Variants in NREP observed in about 807,000 individuals in gnomAD.
NREP encodes neuronal regeneration related protein, also known as neuronal regeneration-related protein.
A neutral mutation model predicts 8.6 loss-of-function variants in NREP; 5 were observed. The observed-to-expected ratio is 0.58, with a 90% CI of 0.30 to 1.22. The LOEUF is 1.22. Ranked by LOEUF, NREP falls within the 50% of genes most tolerant of loss-of-function variation. The pLI is 0.07. For synonymous variants in NREP, 27 were observed against 28.0 expected (o/e 0.96, Z 0.11); for missense variants, 86 against 82.5 (o/e 1.04, Z -0.17).
chr5:111,915,131 C>T (rs1344934606), intron 2 of NREP, among the ~76,000 whole-genome samples: 1 of 152,008 alleles, frequency 6.6e-6, no homozygotes, highest in Admixed American at 6.6e-5. Flanking sequence ...CTAAGACTTC[C>T]CTCAGGCTAC....
chr5:111,833,348 G>A (rs886813512), intron 2 of NREP, among the ~76,000 whole-genome samples: 2 of 152,196 alleles, frequency 1.3e-5, no homozygotes, highest in African/African-American at 4.8e-5. Context: ...TACCTAAACT[G>A]ATCAATGATA....
chr5:111,947,144 G>C (rs912401619), intron 2 of NREP, among the ~76,000 whole-genome samples: 6 of 151,950 alleles, frequency 3.9e-5, no homozygotes, highest in African/African-American at 1.4e-4. Flanking sequence ...TATAACTATA[G>C]AAGTCCCTAT....
At chr5:111,847,711 C>T (rs1179056313) in intron 2 of NREP, among the ~76,000 whole-genome samples, 1 of 151,518 alleles carries the variant, frequency 6.6e-6, no homozygotes, top group Non-Finnish European at 1.5e-5. Context: ...TTGATGGCTT[C>T]TCTGAATGTG....
At chr5:111,964,080 A>G (rs947227316) in intron 2 of NREP, among the ~76,000 whole-genome samples, 1 of 152,074 alleles carries the variant, frequency 6.6e-6, no homozygotes, top group African/African-American at 2.4e-5. Context: ...TCCTTTTTGT[A>G]CCTCCTTCTT....
chr5:111,881,521 G>T (rs1438188391), intron 2 of NREP, among the ~76,000 whole-genome samples: 2 of 152,174 alleles, frequency 1.3e-5, no homozygotes, highest in African/African-American at 4.8e-5. Flanking sequence ...TGGGCAGACT[G>T]CCTCCTCAAG....
chr5:111,819,308 T>C (rs1299509951), intron 2 of NREP, among the ~76,000 whole-genome samples: 1 of 152,122 alleles, frequency 6.6e-6, no homozygotes, highest in Non-Finnish European at 1.5e-5. Context: ...CTCTTTAAAA[T>C]AGCTAAACGG....
rs897473241 is a variant in NREP, at chr5:111,757,170, C to G, written c.-93G>C. ...CCCCGCTCCCTGTTCACTCTCTCTC[C>G]TCTCTACACCTGAAACACAAATGTG... On this transcript the variant is annotated 5_prime_UTR_variant, in exon 1 of 4. Transcript: ENST00000257435. The G allele has an allele frequency of 1.0e-6, 1 of 979,566 alleles. No individual in the cohort carries two copies. The highest frequency in any genetic ancestry group is 1.2e-6 in the Non-Finnish European group (1 of 828,426). 60.7% of individuals were successfully genotyped at this position (979,566 alleles called of 1,614,324 possible).
At chr5:111,840,211 G>C (rs1752995862) in intron 2 of NREP, among the ~76,000 whole-genome samples, 1 of 151,832 alleles carries the variant, frequency 6.6e-6, no homozygotes, top group Non-Finnish European at 1.5e-5. Context: ...ATATAACACG[G>C]TTCAGGCTCA....
chr5:111,942,053 A>G (rs1036484679), intron 2 of NREP, among the ~76,000 whole-genome samples: 1 of 152,048 alleles, frequency 6.6e-6, no homozygotes, highest in Non-Finnish European at 1.5e-5. Context: ...TGGTAAGAGT[A>G]CTTGTCTCAA....
At chr5:111,806,985 G>T (rs2112910143) in intron 2 of NREP, among the ~76,000 whole-genome samples, 1 of 152,146 alleles carries the variant, frequency 6.6e-6, no homozygotes, top group Middle Eastern at 3.4e-3. Flanking sequence ...GTGGCTCTTG[G>T]CTATAGGAAA....
intron 2 of NREP, among the ~76,000 whole-genome samples, chr5:111,959,027 A>G (rs533417572): frequency 3.3e-5 from 5 of 152,006 alleles, no homozygotes; most frequent in Non-Finnish European, 7.4e-5. Flanking sequence ...AAAAAAAATT[A>G]TATTTCTACC....
chr5:111,759,745 T>A (rs1038443964), upstream of NREP, among the ~76,000 whole-genome samples: 2 of 152,170 alleles, frequency 1.3e-5, no homozygotes, highest in African/African-American at 4.8e-5. Flanking sequence ...TATGAGAAAC[T>A]CATGCCATGT....
chr5:111,773,483 G>C (rs1751285115), intron 2 of NREP, among the ~76,000 whole-genome samples: 1 of 152,110 alleles, frequency 6.6e-6, no homozygotes. Context: ...GAAATTAGAA[G>C]ATGATTATTT....
At chr5:111,745,450 G>C (rs1282311068) in intron 2 of NREP, among the ~76,000 whole-genome samples, 1 of 152,122 alleles carries the variant, frequency 6.6e-6, no homozygotes, top group Admixed American at 6.6e-5. Flanking sequence ...GAAATGTCCA[G>C]CACAATATAA....
chr5:111,851,434 T>C (rs2112468133), intron 2 of NREP, among the ~76,000 whole-genome samples: 1 of 152,174 alleles, frequency 6.6e-6, no homozygotes, highest in East Asian at 1.9e-4. Context: ...AATGGAATTT[T>C]ATATATACGT....
intron 2 of NREP, among the ~76,000 whole-genome samples, chr5:111,806,025 TTTTA>T (rs762045594): frequency 1.3e-5 from 2 of 152,200 alleles, no homozygotes; most frequent in African/African-American, 4.8e-5. Context: ...AAAATATAAT[TTTTA>T]TTTGTCAATT....
chr5:111,898,898 C>G (rs1754576417), intron 2 of NREP, among the ~76,000 whole-genome samples: 1 of 151,976 alleles, frequency 6.6e-6, no homozygotes, highest in South Asian at 2.1e-4. Flanking sequence ...GTGGATTTCT[C>G]AGCAGAAACC....
chr5:111,969,297 G>A (rs1756735404), intron 2 of NREP, among the ~76,000 whole-genome samples: 1 of 152,192 alleles, frequency 6.6e-6, no homozygotes, highest in Admixed American at 6.5e-5. Flanking sequence ...AAAGCTATAT[G>A]ACCAGGACAC....
At chr5:111,973,130 G>A (rs989289126) in intron 2 of NREP, among the ~76,000 whole-genome samples, 15 of 152,040 alleles carry the variant, frequency 9.9e-5, no homozygotes, top group African/African-American at 3.6e-4. Flanking sequence ...CAGGAAGAGG[G>A]ACTTCTTTCC....
Sources: gnomAD v4.1 joint callset for allele counts (sites outside exome capture counted in the v4.1 genomes callset) on GRCh38, gnomAD v4.1.1 for gene constraint, MANE v1.5 for transcripts, NCBI Gene and HGNC (gene_info 2026-07-23, HGNC 2026-07-21) for gene names.